The following MARK1 variants were observed in gnomAD, a reference collection of about 807,000 sequenced individuals.
The protein encoded by MARK1 is serine/threonine-protein kinase MARK1.
A neutral mutation model predicts 96.3 loss-of-function variants in MARK1; 40 were observed. The observed-to-expected ratio is 0.42, with a 90% confidence interval of 0.32 to 0.54. The LOEUF is 0.54. MARK1 is among the 20% of genes least tolerant of loss of function. MARK1 has a pLI of 0.16. For synonymous variants in MARK1, 317 were observed against 341.2 expected, an observed-to-expected ratio of 0.93 and a Z score of 0.78; for missense variants, 719 against 984.6, an observed-to-expected ratio of 0.73 and a Z score of 3.61.
At chr1:220,597,038 CAT>C (rs1665412897) in intron 3 of MARK1, among the ~76,000 whole-genome samples, 2 of 152,248 alleles carry the variant, frequency 1.3e-5, no homozygotes, top group Non-Finnish European at 1.5e-5. Context: ...TTGTATCTAT[CAT>C]GTGTCAGAAT....
In MARK1 at chr1:220,661,737, A is replaced by T. The variant is rs567879122; in HGVS notation, c.2034-75A>T. On this transcript the variant is annotated intron_variant, in intron 17 of 17. Transcript: ENST00000366917. The stretch of plus-strand genomic sequence containing the variant: ...TAGGCACTGAACTATGACCACTTAG[A>T]TTTTATGTGTGTTTTGATCTCTTTG... 8 of 1,148,566 alleles carry T rather than the reference A, an allele frequency of 7.0e-6. No individual in the cohort carries two copies. The East Asian group carries it at 7.7e-5, about 11-fold the overall frequency. The allele number at this position is 1,148,566 out of a possible 1,614,324, so 71.1% of individuals were successfully genotyped here.
intron 3 of MARK1, among the ~76,000 whole-genome samples, chr1:220,586,019 G>GCGCA (rs1491504147): frequency 5.6e-5 from 6 of 107,990 alleles, no homozygotes; most frequent in Admixed American, 1.9e-4. Flanking sequence ...ACACGCGCGC[G>GCGCA]TGCGCAGAGA....
chr1:220,645,061 A>T (rs756626959), intron 13 of MARK1, among the ~76,000 whole-genome samples: 1 of 152,210 alleles, frequency 6.6e-6, no homozygotes, highest in Non-Finnish European at 1.5e-5. Context: ...GCAGACAAGA[A>T]ATAACCAAGC....
At chr1:220,556,734 T>G (rs530096434) in intron 1 of MARK1, among the ~76,000 whole-genome samples, 2 of 152,048 alleles carry the variant, frequency 1.3e-5, no homozygotes, top group Non-Finnish European at 2.9e-5. Flanking sequence ...TAAATAGAAA[T>G]TATAGAAATG....
At chr1:220,660,059 TACAGGTGTGAGCC>T (rs1669392105) in intron 17 of MARK1, among the ~76,000 whole-genome samples, 2 of 152,214 alleles carry the variant, frequency 1.3e-5, no homozygotes, top group South Asian at 4.1e-4. Context: ...GTGCTGAGAT[TACAGGTGTGAGCC>T]ACAGAAAACT....
At chr1:220,645,648 A>C (rs1323838604) in intron 13 of MARK1, among the ~76,000 whole-genome samples, 1 of 152,178 alleles carries the variant, frequency 6.6e-6, no homozygotes, top group Non-Finnish European at 1.5e-5. Context: ...CGATGCAAAA[A>C]TCCTCAATAA....
At chr1:220,587,748 A>C in intron 3 of MARK1, among the ~76,000 whole-genome samples, 1 of 152,160 alleles carries the variant, frequency 6.6e-6, no homozygotes, top group Non-Finnish European at 1.5e-5. Flanking sequence ...TTTTCTCCTT[A>C]ATATACTATA....
At chr1:220,651,937 A>G (rs779522179) in intron 14 of MARK1, 49 bp from the exon 15 acceptor site, 4 of 1,440,864 alleles carry the variant, frequency 2.8e-6, no homozygotes, top group Non-Finnish European at 3.7e-6. Flanking sequence ...GTAAACCACA[A>G]ATTTTCCTCT....
chr1:220,627,492 T>C, intron 9 of MARK1: 1 of 409,932 alleles, frequency 2.4e-6, no homozygotes, highest in Non-Finnish European at 4.9e-6. Context: ...CCCCTGCCTT[T>C]CTCCACCAAC....
intron 13 of MARK1, among the ~76,000 whole-genome samples, chr1:220,645,875 C>G (rs113004290): frequency 2.6e-5 from 4 of 152,208 alleles, no homozygotes; most frequent in African/African-American, 9.6e-5. Context: ...TCTCAATAAA[C>G]TAGGTATTGA....
chr1:220,648,007 T>C (rs918349777), intron 13 of MARK1, among the ~76,000 whole-genome samples: 1 of 151,254 alleles, frequency 6.6e-6, no homozygotes, highest in Non-Finnish European at 1.5e-5. Flanking sequence ...CATTTACCTA[T>C]GTAACCTGCA....
At position 220,544,212 on chromosome 1, in the gene MARK1, C is replaced by T. The variant is rs543235946; in HGVS notation, c.51+15339C>T. Among the ~76,000 whole-genome samples, 15 of 152,126 alleles carry T rather than the reference C, an allele frequency of 9.9e-5. No individual in the cohort carries two copies. In the East Asian group the frequency reaches 2.5e-3, roughly 26 times the overall value. ...ATAAAGTGGGAAGGGAGATGGCAAC[C>T]GAAAAAGGAGTTTACCATATGGTGC... On this transcript the variant is annotated intron_variant, in intron 1 of 17. Coordinates refer to ENST00000366917, the MANE Select transcript of MARK1 (RefSeq NM_018650.5).
intron 6 of MARK1, 138 bp from the exon 7 acceptor site, chr1:220,615,801 T>C (rs888454442): frequency 1.9e-6 from 1 of 535,568 alleles, no homozygotes; most frequent in African/African-American, 2.0e-5. Context: ...TGTATAGTTT[T>C]CTGAACTAAA....
At chr1:220,643,588 T>G (rs1668403944) in intron 13 of MARK1, among the ~76,000 whole-genome samples, 2 of 151,996 alleles carry the variant, frequency 1.3e-5, no homozygotes, top group Admixed American at 6.5e-5. Context: ...CCCAATAAGA[T>G]ACTCCACAAG....
chr1:220,603,916 C>T (rs1250545797), intron 5 of MARK1, 151 bp from the exon 6 acceptor site: 3 of 457,008 alleles, frequency 6.6e-6, no homozygotes, highest in Non-Finnish European at 1.2e-5. Context: ...TTCCTTTTTT[C>T]TATTCATGTG....
intron 3 of MARK1, among the ~76,000 whole-genome samples, chr1:220,583,253 G>A (rs1227450001): frequency 2.6e-5 from 4 of 152,128 alleles, no homozygotes. Context: ...ATTTGTTCTG[G>A]TTTGATCTGA....
intron 3 of MARK1, among the ~76,000 whole-genome samples, chr1:220,592,964 T>C (rs1558283534): frequency 6.6e-6 from 1 of 152,184 alleles, no homozygotes; most frequent in Non-Finnish European, 1.5e-5. Flanking sequence ...ATAAATAAAA[T>C]TTTAACAAGA....
At chr1:220,562,838 C>A (rs1662765019) in intron 1 of MARK1, among the ~76,000 whole-genome samples, 1 of 152,112 alleles carries the variant, frequency 6.6e-6, no homozygotes, top group Non-Finnish European at 1.5e-5. Flanking sequence ...CATGTGGATT[C>A]AATGTAGTAT....
intron 10 of MARK1, 64 bp downstream of exon 10, chr1:220,631,198 C>A: frequency 3.9e-6 from 4 of 1,032,342 alleles, no homozygotes; most frequent in Non-Finnish European, 4.4e-6. Context: ...CTTTAGTGTG[C>A]CAAAATAGTG....
Sources: allele counts gnomAD v4.1 joint callset (sites outside exome capture counted in the v4.1 genomes callset), GRCh38; gene constraint gnomAD v4.1.1; transcripts MANE v1.5; gene names NCBI Gene and HGNC (gene_info 2026-07-23, HGNC 2026-07-21).